The following EXOC6 variants were observed in gnomAD, a reference collection of about 807,000 sequenced individuals.
The protein encoded by EXOC6 is exocyst complex component 6, also known as SEC15-like 1.
Under a neutral mutation model 112.5 loss-of-function variants are expected in EXOC6, and 60 were observed. The ratio of observed to expected loss-of-function variants is 0.53; its 90% CI spans 0.43 to 0.66. The LOEUF is 0.66. Among genes scored for constraint, EXOC6 ranks in the 30% least tolerant of loss-of-function variants. The pLI, the probability that EXOC6 is intolerant of heterozygous loss-of-function variation, is 0.00. For missense variants in EXOC6, 855 were observed against 957.1 expected, an observed-to-expected ratio of 0.89 and a Z score of 1.41; for synonymous variants, 295 against 308.0, an observed-to-expected ratio of 0.96 and a Z score of 0.44.
chr10:92,839,200 C>T (rs1184487400), intron 1 of EXOC6, among the ~76,000 whole-genome samples: 2 of 152,128 alleles, frequency 1.3e-5, no homozygotes, highest in Non-Finnish European at 2.9e-5. Context: ...TGCTTGCAAC[C>T]ACAGGCTAAT....
intron 1 of EXOC6, among the ~76,000 whole-genome samples, chr10:92,829,007 C>T (rs1163624238): frequency 6.6e-6 from 1 of 152,052 alleles, no homozygotes; most frequent in African/African-American, 2.4e-5. Flanking sequence ...CCTGTAAAAT[C>T]GAGTTACAGA....
chr10:92,832,874 G>A (rs970823335), upstream of EXOC6, among the ~76,000 whole-genome samples: 2 of 152,132 alleles, frequency 1.3e-5, no homozygotes, highest in African/African-American at 4.8e-5. Context: ...TGTTGGCCAG[G>A]CTAGTCTCGA....
chr10:93,053,837 A>G (rs932277747), intron 20 of EXOC6, among the ~76,000 whole-genome samples: 1 of 152,242 alleles, frequency 6.6e-6, no homozygotes, highest in Admixed American at 6.5e-5. Flanking sequence ...TTCCAGCAGT[A>G]CAATGCATTT....
At chr10:92,837,503 TAAA>T (rs1171206132) in intron 1 of EXOC6, among the ~76,000 whole-genome samples, 2 of 152,122 alleles carry the variant, frequency 1.3e-5, no homozygotes, top group African/African-American at 4.8e-5. Flanking sequence ...CCTGTCCCTA[TAAA>T]ACACTTTTTA....
In EXOC6 at chr10:93,058,331, G is replaced by A. The variant is rs1846641314; in HGVS notation, c.2391G>A (p.Val797=). 1.2e-6 allele frequency: 2 copies of A among 1,611,502 alleles called. No homozygotes were observed. The highest frequency in any genetic ancestry group is 1.7e-6 in the Non-Finnish European group (2 of 1,179,548). Residue 797 remains valine, a synonymous_variant, in exon 22 of 22, where the codon GTG becomes GTA. Coordinates refer to ENST00000260762, the MANE Select transcript of EXOC6 (RefSeq NM_019053.6). ...TCGTGAAACAGCTGAGAAGTTTGGT[G>A]AATGGTATGTCCCAGCACATGTAGA... is the stretch of plus-strand genomic sequence containing the variant. ...ETVVKQLRSL[V]NGMSQHM
chr10:92,882,900 A>G (rs1295733928), intron 1 of EXOC6, among the ~76,000 whole-genome samples: 1 of 152,246 alleles, frequency 6.6e-6, no homozygotes, highest in Non-Finnish European at 1.5e-5. Context: ...ATTTACTAGA[A>G]ACAACATGGT....
chr10:93,047,559 CAAA>C (rs1846055412), intron 20 of EXOC6, among the ~76,000 whole-genome samples: 2 of 146,322 alleles, frequency 1.4e-5, no homozygotes, highest in Admixed American at 6.9e-5. Context: ...CAAAACAAAA[CAAA>C]AAGAGGAGAA....
At chr10:92,986,349 GAAGTTAATCTAGAAAA>G (rs1276084837) in intron 18 of EXOC6, among the ~76,000 whole-genome samples, 1 of 152,036 alleles carries the variant, frequency 6.6e-6, no homozygotes, top group Non-Finnish European at 1.5e-5. Flanking sequence ...AAATTTATTC[GAAGTTAATCTAGAAAA>G]AAGTTAGTGT....
chr10:92,836,456 A>T (rs1403349733), intron 1 of EXOC6, among the ~76,000 whole-genome samples: 2 of 152,112 alleles, frequency 1.3e-5, no homozygotes, highest in African/African-American at 4.8e-5. Context: ...GCCTGCATAG[A>T]TATGTTCCCC....
At chr10:92,981,416 G>A (rs1480161739) in intron 18 of EXOC6, among the ~76,000 whole-genome samples, 1 of 152,168 alleles carries the variant, frequency 6.6e-6, no homozygotes, top group Non-Finnish European at 1.5e-5. Flanking sequence ...AATGAAGGTA[G>A]TTTATTGATT....
intron 7 of EXOC6, among the ~76,000 whole-genome samples, chr10:92,919,617 A>G (rs1359235360): frequency 2.6e-5 from 4 of 152,182 alleles, no homozygotes; most frequent in Admixed American, 2.6e-4. Flanking sequence ...AACTTTGTCT[A>G]TAGCCAAATC....
At chr10:92,841,567 C>T (rs912440921) in intron 1 of EXOC6, among the ~76,000 whole-genome samples, 15 of 152,244 alleles carry the variant, frequency 9.9e-5, no homozygotes, top group Middle Eastern at 6.8e-3. Context: ...TGTTGCACCT[C>T]CAAAAAGCCT....
intron 14 of EXOC6, among the ~76,000 whole-genome samples, 194 bp downstream of exon 14, chr10:92,948,573 C>CACTACTACTACTACTACCACTACTACT (rs1853185884): frequency 7.1e-6 from 1 of 140,174 alleles, no homozygotes; most frequent in African/African-American, 2.7e-5. Context: ...CTACTACTAC[C>CACTACTACTACTACTACCACTACTACT]ACTACTACTA....
chr10:92,898,736 C>G (rs1020662159), intron 4 of EXOC6, among the ~76,000 whole-genome samples: 1 of 152,126 alleles, frequency 6.6e-6, no homozygotes, highest in Non-Finnish European at 1.5e-5. Context: ...AGGGTTGATT[C>G]ACTACAGCTA....
chr10:92,869,242 A>G (rs1210732492), intron 1 of EXOC6, among the ~76,000 whole-genome samples: 1 of 151,610 alleles, frequency 6.6e-6, no homozygotes, highest in Non-Finnish European at 1.5e-5. Context: ...GGCTTAAGTA[A>G]TCCTCCCTCC....
At chr10:92,864,253 GC>G (rs1418684584) in intron 1 of EXOC6, among the ~76,000 whole-genome samples, 1 of 152,108 alleles carries the variant, frequency 6.6e-6, no homozygotes, top group African/African-American at 2.4e-5. Context: ...AAGGAAACAA[GC>G]CCAACAAGAT....
rs10638557 is a variant in EXOC6 at position 92,930,504 on chromosome 10, A to AAATAATAATAATAAT, written c.972+2091_972+2105dup. Among the ~76,000 whole-genome samples, 1,169 of 149,240 alleles carry AAATAATAATAATAAT rather than the reference A, an allele frequency of 7.8e-3. 8 individuals are homozygous for AAATAATAATAATAAT. Among genetic ancestry groups the AAATAATAATAATAAT allele is most frequent in the Non-Finnish European group, 0.012 (799 of 67,400 alleles). On this transcript the variant is annotated intron_variant, in intron 9 of 21. Transcript: ENST00000260762. Reference sequence around the variant, plus strand: ...GGTGACAAGAGTGAGACTCTGTCTCAAATAATAATAATAATAATAATAAAT... The same window carrying AAATAATAATAATAAT: ...GGTGACAAGAGTGAGACTCTGTCTCAAATAATAATAATAATAATAATAATAATAATAATAATAAAT...
At chr10:92,942,322 G>C (rs528566694) in intron 13 of EXOC6, among the ~76,000 whole-genome samples, 2 of 152,318 alleles carry the variant, frequency 1.3e-5, no homozygotes, top group East Asian at 3.9e-4. Context: ...TTGAGCCCAG[G>C]TGTTTGAGGC....
At chr10:93,005,962 C>T (rs1843959050) in intron 19 of EXOC6, among the ~76,000 whole-genome samples, 1 of 152,040 alleles carries the variant, frequency 6.6e-6, no homozygotes. Flanking sequence ...GGGTTCGAGA[C>T]CAGCCTGGGC....
Sources: allele counts gnomAD v4.1 joint callset (sites outside exome capture counted in the v4.1 genomes callset), GRCh38; gene constraint gnomAD v4.1.1; transcripts MANE v1.5; gene names NCBI Gene and HGNC (gene_info 2026-07-23, HGNC 2026-07-21).